The following ZFHX3 variants were observed in gnomAD, a reference collection of about 807,000 sequenced individuals.
ZFHX3 encodes the protein zinc finger homeobox 3, also known as zinc finger homeobox protein 3.
A neutral mutation model predicts 279.1 loss-of-function variants in ZFHX3; 42 were observed. That is an observed-to-expected ratio of 0.15 (90% CI 0.12 to 0.19). The LOEUF is 0.19. Among genes scored for constraint, ZFHX3 ranks in the 10% least tolerant of loss-of-function variants. The probability of loss-of-function intolerance (pLI) is 1.00; values close to 1 mark genes in which losing one functional copy is unlikely to be tolerated. For missense variants in ZFHX3, 4,981 were observed against 4,754.0 expected (o/e 1.05, Z -1.40); for synonymous variants, 2,293 against 1,957.8 (o/e 1.17, Z -4.52).
chr16:73,747,709 G>T (rs184667908), intron 1 of ZFHX3, among the ~76,000 whole-genome samples: 1 of 151,968 alleles, frequency 6.6e-6, no homozygotes, highest in Non-Finnish European at 1.5e-5. Context: ...TATACTTATT[G>T]TATATATACA....
chr16:73,378,915 C>CCT (rs1405324976), intron 3 of ZFHX3, among the ~76,000 whole-genome samples: 11 of 152,180 alleles, frequency 7.2e-5, no homozygotes, highest in Non-Finnish European at 1.3e-4. Flanking sequence ...ATGCCATCTA[C>CCT]CTTTTTAAGA....
intron 2 of ZFHX3, among the ~76,000 whole-genome samples, chr16:73,557,748 G>A (rs750169640): frequency 6.6e-5 from 10 of 152,046 alleles, no homozygotes; most frequent in African/African-American, 9.7e-5. Flanking sequence ...ATTTTGTGCC[G>A]ACCTCCTATC....
At chr16:72,842,136 C>T (rs1390230666) in intron 4 of ZFHX3, among the ~76,000 whole-genome samples, 1 of 152,200 alleles carries the variant, frequency 6.6e-6, no homozygotes, top group Non-Finnish European at 1.5e-5. Flanking sequence ...GGCGGAAGCA[C>T]TAGAAACCCG....
intron 1 of ZFHX3, among the ~76,000 whole-genome samples, chr16:73,832,213 T>C (rs1961016704): frequency 6.6e-6 from 1 of 151,956 alleles, no homozygotes; most frequent in South Asian, 2.1e-4. Context: ...TGCTTTTTTT[T>C]TTTTCTTTTG....
intron 1 of ZFHX3, among the ~76,000 whole-genome samples, chr16:73,867,954 G>T (rs1250775176): frequency 6.6e-6 from 1 of 152,116 alleles, no homozygotes; most frequent in Non-Finnish European, 1.5e-5. Flanking sequence ...CAGCAATGAG[G>T]GCCGGCCAAC....
At chr16:72,926,926 C>G (rs879262838) in intron 3 of ZFHX3, among the ~76,000 whole-genome samples, 1 of 152,196 alleles carries the variant, frequency 6.6e-6, no homozygotes, top group Non-Finnish European at 1.5e-5. Context: ...CCAGCTCCCC[C>G]AGGTTTACGA....
chr16:72,971,390 C>A (rs1962098200), intron 1 of ZFHX3, among the ~76,000 whole-genome samples: 1 of 152,188 alleles, frequency 6.6e-6, no homozygotes, highest in South Asian at 2.1e-4. Context: ...GTTTTGAGCA[C>A]TATTTTTCTG....
At chr16:73,584,387 T>C (rs1294846845) in intron 2 of ZFHX3, among the ~76,000 whole-genome samples, 2 of 152,282 alleles carry the variant, frequency 1.3e-5, no homozygotes, top group South Asian at 2.1e-4. Context: ...CTTAAAAGTA[T>C]ATAATGTATC....
intron 1 of ZFHX3, among the ~76,000 whole-genome samples, chr16:73,726,372 G>A (rs2053518808): frequency 6.6e-6 from 1 of 152,172 alleles, no homozygotes; most frequent in African/African-American, 2.4e-5. Context: ...TATCTGCAAG[G>A]ATGGACTAGA....
At chr16:73,260,597 A>AT (rs1242432909) in intron 4 of ZFHX3, among the ~76,000 whole-genome samples, 2 of 147,738 alleles carry the variant, frequency 1.4e-5, no homozygotes, top group Non-Finnish European at 3.0e-5. Context: ...GGAATGGGCC[A>AT]TTTTCCATTG....
At chr16:73,174,179 C>G (rs1175188198) in intron 5 of ZFHX3, among the ~76,000 whole-genome samples, 2 of 152,044 alleles carry the variant, frequency 1.3e-5, no homozygotes, top group African/African-American at 4.8e-5. Context: ...TGCATGGAGA[C>G]CTTCCTGGTC....
At chr16:73,095,334 G>C (rs1009272372) in intron 7 of ZFHX3, among the ~76,000 whole-genome samples, 1 of 152,074 alleles carries the variant, frequency 6.6e-6, no homozygotes, top group Non-Finnish European at 1.5e-5. Flanking sequence ...CACACTGCCA[G>C]CCCCCATCTT....
chr16:73,351,959 T>C (rs558620626), intron 3 of ZFHX3, among the ~76,000 whole-genome samples: 48 of 152,348 alleles, frequency 3.2e-4, no homozygotes, highest in African/African-American at 1.1e-3. Context: ...GGTAGATCCA[T>C]TATAAAGGGT....
At chr16:73,791,345 C>T (rs995973155) in intron 1 of ZFHX3, among the ~76,000 whole-genome samples, 11 of 152,146 alleles carry the variant, frequency 7.2e-5, no homozygotes, top group South Asian at 6.2e-4. Context: ...TAGTGTGCAT[C>T]GGAATTACTC....
At position 72,794,449 on chromosome 16, in the gene ZFHX3, G is replaced by C. The variant is rs1165926539; in HGVS notation, c.8233C>G (p.Leu2745Val). ...WHEAKRAGYN[L>V]TLSAMLLDCD... ...TCTAAGAGCATCGCAGACAGAGTTA[G>C]GTTGTAGCCAGCTCTCTTGGCTTCA... is the stretch of plus-strand genomic sequence containing the variant. Residue 2745 changes from leucine to valine, a missense_variant, in exon 9 of 10, where the codon CTA (leucine) becomes GTA (valine). Physicochemically the swap from Leu to Val is conservative, Grantham distance 32. Around this residue, in one of 7 missense-constraint regions of ZFHX3, gnomAD observed 744 missense variants for 701.3 expected, o/e 1.06. Coordinates refer to ENST00000268489, the MANE Select transcript of ZFHX3 (RefSeq NM_006885.4). This position sits in a 1 kb window ranked among gnomAD's most constrained non-coding sequence, Gnocchi z 4.2. The C allele has an allele frequency of 8.1e-6, 13 of 1,614,000 alleles. No homozygotes were observed. Among genetic ancestry groups the C allele is most frequent in the Non-Finnish European group, 1.0e-5 (12 of 1,180,018 alleles).
At chr16:72,887,878 C>T (rs11862114) in intron 4 of ZFHX3, among the ~76,000 whole-genome samples, 42,607 of 151,594 alleles carry the variant, frequency 0.28, 6,347 homozygotes, top group African/African-American at 0.36. Flanking sequence ...TATGTGTGTG[C>T]GCGCACGTGC....
intron 2 of ZFHX3, among the ~76,000 whole-genome samples, chr16:73,465,517 C>T (rs1356696103): frequency 6.7e-6 from 1 of 150,170 alleles, no homozygotes. Context: ...TTACCTGCTC[C>T]TTCTCCGGTT....
chr16:73,053,389 T>C (rs1248722426), intron 1 of ZFHX3, among the ~76,000 whole-genome samples: 2 of 152,064 alleles, frequency 1.3e-5, no homozygotes, highest in African/African-American at 4.8e-5. Flanking sequence ...TGAAACACTT[T>C]CTTTTTTTCA....
At chr16:72,953,722 A>G (rs2144409620) in intron 2 of ZFHX3, among the ~76,000 whole-genome samples, 1 of 152,268 alleles carries the variant, frequency 6.6e-6, no homozygotes, top group Non-Finnish European at 1.5e-5. Context: ...CTGGGACTAC[A>G]GGTGCACCCC....
Sources: allele counts gnomAD v4.1 joint callset (sites outside exome capture counted in the v4.1 genomes callset), GRCh38; gene constraint gnomAD v4.1.1; regional missense constraint gnomAD v4.1.1; non-coding constraint Gnocchi (gnomAD v3.1); transcripts MANE v1.5; gene names NCBI Gene and HGNC (gene_info 2026-07-23, HGNC 2026-07-21).